The following MCTP2 variants were observed in gnomAD, a reference collection of about 807,000 sequenced individuals.
The protein encoded by MCTP2 is multiple C2 and transmembrane domain containing 2, also known as multiple C2 and transmembrane domain-containing protein 2.
MCTP2 carries 132 observed loss-of-function variants against 111.6 expected under a neutral mutation model. The observed-to-expected ratio is 1.18, with a 90% CI of 1.03 to 1.37. MCTP2 has a LOEUF of 1.37. Ranked by LOEUF, MCTP2 falls within the 40% of genes most tolerant of loss-of-function variation. The pLI is 0.00. For synonymous variants in MCTP2, 395 were observed against 387.7 expected, an observed-to-expected ratio of 1.02 and a Z score of -0.22; for missense variants, 1,183 against 1,067.9, an observed-to-expected ratio of 1.11 and a Z score of -1.50.
At chr15:94,243,853 G>C (rs1470816922) in intron 1 of MCTP2, among the ~76,000 whole-genome samples, 4 of 145,836 alleles carry the variant, frequency 2.7e-5, no homozygotes, top group African/African-American at 1.0e-4. Context: ...ACACATATAT[G>C]TATACACATA....
At chr15:94,234,808 G>A (rs2070428436) in intron 1 of MCTP2, among the ~76,000 whole-genome samples, 1 of 152,188 alleles carries the variant, frequency 6.6e-6, no homozygotes, top group Admixed American at 6.5e-5. Context: ...CAGTCTCATG[G>A]AGCTGATTTC....
At chr15:94,433,655 A>G (rs2083307424) in intron 17 of MCTP2, among the ~76,000 whole-genome samples, 1 of 152,226 alleles carries the variant, frequency 6.6e-6, no homozygotes, top group African/African-American at 2.4e-5. Context: ...TATATGTTCA[A>G]TGTTTTGAGA....
chr15:94,345,233 C>G, intron 8 of MCTP2, 69 bp downstream of exon 8: 1 of 1,415,108 alleles, frequency 7.1e-7, no homozygotes, highest in Non-Finnish European at 9.9e-7. Flanking sequence ...ACAAAAATGA[C>G]TGCATGATAG....
At chr15:94,375,644 T>C (rs1253316146) in intron 12 of MCTP2, among the ~76,000 whole-genome samples, 1 of 152,156 alleles carries the variant, frequency 6.6e-6, no homozygotes, top group Non-Finnish European at 1.5e-5. Flanking sequence ...CCTCTTGATA[T>C]CTTGGTAATA....
chr15:94,390,078 A>ATGTG, intron 14 of MCTP2, among the ~76,000 whole-genome samples: 1 of 47,280 alleles, frequency 2.1e-5, no homozygotes, highest in African/African-American at 5.8e-5. Context: ...ATATATATAT[A>ATGTG]TATATATATA....
chr15:94,384,456 T>G (rs1205580759), intron 13 of MCTP2, among the ~76,000 whole-genome samples: 1 of 152,172 alleles, frequency 6.6e-6, no homozygotes, highest in Admixed American at 6.5e-5. Flanking sequence ...AGTGATCTTA[T>G]GTGTTCTAAG....
intron 14 of MCTP2, among the ~76,000 whole-genome samples, chr15:94,389,530 A>G (rs751624943): frequency 6.6e-6 from 1 of 152,174 alleles, no homozygotes; most frequent in Non-Finnish European, 1.5e-5. Context: ...AATTCTGAGA[A>G]TTAAGCATCA....
At chr15:94,462,507 A>T (rs529336856) in intron 20 of MCTP2, among the ~76,000 whole-genome samples, 2 of 152,312 alleles carry the variant, frequency 1.3e-5, no homozygotes, top group African/African-American at 4.8e-5. Flanking sequence ...TCTATAGAAG[A>T]TGTTCTATGA....
intron 9 of MCTP2, 64 bp from the exon 10 acceptor site, chr15:94,358,418 T>A: frequency 6.9e-6 from 10 of 1,441,772 alleles, no homozygotes; most frequent in Non-Finnish European, 9.6e-6. Flanking sequence ...GAAATTAATG[T>A]GTAGCTTCTG....
At chr15:94,347,870 T>C (rs2078066539) in intron 8 of MCTP2, among the ~76,000 whole-genome samples, 1 of 149,124 alleles carries the variant, frequency 6.7e-6, no homozygotes, top group Admixed American at 6.8e-5. Context: ...CTGCACATAT[T>C]CTGTCTCTCT....
chr15:94,449,553 A>T (rs2084318481), intron 19 of MCTP2, among the ~76,000 whole-genome samples: 1 of 152,228 alleles, frequency 6.6e-6, no homozygotes, highest in South Asian at 2.1e-4. Flanking sequence ...AGCCTCTATG[A>T]ATACAAAAAT....
chr15:94,300,276 G>GGT (rs1456260773), intron 2 of MCTP2, among the ~76,000 whole-genome samples: 1 of 152,068 alleles, frequency 6.6e-6, no homozygotes, highest in Non-Finnish European at 1.5e-5. Context: ...GGGAGACCGA[G>GGT]GTGGGTGGAG....
chr15:94,399,962 C>T lies in MCTP2; in HGVS notation c.1932C>T (p.Arg644=), dbSNP rs760738924. The T allele has an allele frequency of 2.5e-6, 4 of 1,614,028 alleles. No homozygotes were observed. In the Admixed American group the frequency reaches 5.0e-5, roughly 20 times the overall value. The change falls in exon 16 of 23, where the codon CGC becomes CGT. Residue 644 remains arginine (R), a synonymous_variant. Coordinates refer to ENST00000357742, the MANE Select transcript of MCTP2 (RefSeq NM_001385001.1). ...GGACTTTTACTCCCCGGGAAAAGCG[C>T]TTTGTTGAAGACAGCCGCAAGCTGT... The part of the protein sequence containing the change: ...SIRTFTPREK[R]FVEDSRKLSK...
At chr15:94,454,522 G>A (rs1440057767) in intron 19 of MCTP2, among the ~76,000 whole-genome samples, 19 of 151,538 alleles carry the variant, frequency 1.3e-4, no homozygotes, top group Admixed American at 6.6e-5. Context: ...TTCTTTACCC[G>A]TCATCATTTT....
At chr15:94,367,080 C>T (rs1349975572) in intron 10 of MCTP2, among the ~76,000 whole-genome samples, 1 of 152,206 alleles carries the variant, frequency 6.6e-6, no homozygotes, top group Non-Finnish European at 1.5e-5. Flanking sequence ...ATTAGGAAAA[C>T]ACCTTAACGT....
At chr15:94,329,564 C>G (rs961105294) in intron 4 of MCTP2, among the ~76,000 whole-genome samples, 1 of 152,070 alleles carries the variant, frequency 6.6e-6, no homozygotes, top group Non-Finnish European at 1.5e-5. Flanking sequence ...TTTAAACAAT[C>G]GGATCTCTTG....
intron 18 of MCTP2, among the ~76,000 whole-genome samples, chr15:94,442,032 TTAGAGTTACTCCC>T (rs1180896874): frequency 3.9e-5 from 6 of 152,208 alleles, no homozygotes; most frequent in African/African-American, 1.4e-4. Flanking sequence ...TCTGGATACT[TTAGAGTTACTCCC>T]TTTTAAGAGC....
chr15:94,430,124 C>T (rs185020493), intron 17 of MCTP2, among the ~76,000 whole-genome samples: 4 of 152,258 alleles, frequency 2.6e-5, no homozygotes, highest in Admixed American at 1.3e-4. Flanking sequence ...TATGTGTTGT[C>T]TCTTCATGAT....
chr15:94,443,042 CCTCTCTT>C, intron 19 of MCTP2, 82 bp downstream of exon 19: 4 of 996,966 alleles, frequency 4.0e-6, no homozygotes, highest in Non-Finnish European at 1.4e-6. Context: ...GAGTCTCTCT[CCTCTCTT>C]TTTTTTTTTT....
Sources: allele counts gnomAD v4.1 joint callset (sites outside exome capture counted in the v4.1 genomes callset), GRCh38; gene constraint gnomAD v4.1.1; transcripts MANE v1.5; gene names NCBI Gene and HGNC (gene_info 2026-07-23, HGNC 2026-07-21).